RXRA: variants seen among roughly 807,000 people sequenced by gnomAD.
RXRA encodes the protein retinoic acid receptor RXR-alpha.
Under a neutral mutation model 44.5 loss-of-function variants are expected in RXRA, and 5 were observed. The ratio of observed to expected loss-of-function variants is 0.11; its 90% CI spans 0.06 to 0.24. RXRA has a LOEUF of 0.24. Among genes scored for constraint, RXRA ranks in the 10% least tolerant of loss-of-function variants. The probability of loss-of-function intolerance (pLI) is 1.00; values close to 1 mark genes in which losing one functional copy is unlikely to be tolerated. For missense variants in RXRA, 412 were observed against 646.5 expected (o/e 0.64, Z 3.93); for synonymous variants, 291 against 271.4 (o/e 1.07, Z -0.71).
chr9:134,363,133 C>T (rs1003334740), intron 1 of RXRA, among the ~76,000 whole-genome samples: 1 of 152,236 alleles, frequency 6.6e-6, no homozygotes, highest in African/African-American at 2.4e-5. Context: ...GTGCCATGTT[C>T]TCCCTGTGCC....
chr9:134,367,770 T>C lies in RXRA; in HGVS notation c.29-33862T>C, dbSNP rs552504700. 3.9e-5 allele frequency among the ~76,000 whole-genome samples: 6 copies of C among 152,314 alleles called. No individual in the cohort carries two copies. The South Asian group carries it at 8.3e-4, about 21-fold the overall frequency. ...CTCGGGTGGGGGGTGCCGGGGTGTC[T>C]TGTGGCCCCTTCTGGGTCCTTGGGG... On this transcript the variant is annotated intron_variant, in intron 1 of 9. Transcript: ENST00000481739.
At chr9:134,427,382 A>G (rs1279394746) in intron 6 of RXRA, among the ~76,000 whole-genome samples, 1 of 152,112 alleles carries the variant, frequency 6.6e-6, no homozygotes, top group Non-Finnish European at 1.5e-5. Context: ...GAGGGGATGC[A>G]TGACAGGCGG....
chr9:134,377,474 C>T (rs1207974891), intron 1 of RXRA, among the ~76,000 whole-genome samples: 1 of 152,180 alleles, frequency 6.6e-6, no homozygotes, highest in Non-Finnish European at 1.5e-5. Context: ...CGTGTGCTGG[C>T]ATCACCGCTC....
At chr9:134,371,058 G>A (rs1327177066) in intron 1 of RXRA, among the ~76,000 whole-genome samples, 1 of 152,162 alleles carries the variant, frequency 6.6e-6, no homozygotes, top group Non-Finnish European at 1.5e-5. Flanking sequence ...CCCTGGGCTG[G>A]CAGGTGGGTC....
At chr9:134,381,790 G>T (rs756771998) in intron 1 of RXRA, among the ~76,000 whole-genome samples, 1 of 152,130 alleles carries the variant, frequency 6.6e-6, no homozygotes, top group Non-Finnish European at 1.5e-5. Flanking sequence ...AATTAGCCCC[G>T]ACCTCCCCGG....
chr9:134,345,250 A>T (rs1431832217), intron 1 of RXRA, among the ~76,000 whole-genome samples: 2 of 152,202 alleles, frequency 1.3e-5, no homozygotes, highest in Non-Finnish European at 2.9e-5. Context: ...GTATTTGCAC[A>T]GCCCACGGCT....
At chr9:134,391,535 A>G (rs974746841) in intron 1 of RXRA, among the ~76,000 whole-genome samples, 6 of 152,180 alleles carry the variant, frequency 3.9e-5, no homozygotes, top group Non-Finnish European at 5.9e-5. Context: ...TTTCTCCAGG[A>G]ATTCCCCTGC....
At chr9:134,419,614 G>A (rs1410169809) in intron 5 of RXRA, among the ~76,000 whole-genome samples, 3 of 152,238 alleles carry the variant, frequency 2.0e-5, no homozygotes, top group African/African-American at 4.8e-5. Context: ...TCTCCCCAGC[G>A]CGGGGCAGGG....
chr9:134,363,662 G>C (rs531723988), intron 1 of RXRA, among the ~76,000 whole-genome samples: 1 of 152,350 alleles, frequency 6.6e-6, no homozygotes, highest in Non-Finnish European at 1.5e-5. Flanking sequence ...GCGGCACCGG[G>C]TGTGGCTGGC....
At chr9:134,357,524 G>A (rs547548773) in intron 1 of RXRA, among the ~76,000 whole-genome samples, 4 of 152,020 alleles carry the variant, frequency 2.6e-5, no homozygotes, top group African/African-American at 9.7e-5. Flanking sequence ...TCCACGCCAC[G>A]AGCACAGTGG....
intron 1 of RXRA, among the ~76,000 whole-genome samples, chr9:134,347,566 G>T (rs1554748978): frequency 1.3e-5 from 2 of 152,208 alleles, no homozygotes. Context: ...GCTGGGGGAG[G>T]ACGGCCAGGG....
chr9:134,372,179 C>T (rs1454643166), intron 1 of RXRA: 1 of 152,214 alleles, frequency 6.6e-6, no homozygotes, highest in African/African-American at 2.4e-5. Context: ...GCCCGGCCAT[C>T]CAGTCTCAGT....
At chr9:134,434,012 TGG>T in intron 8 of RXRA, 88 bp from the exon 9 acceptor site, 1 of 922,536 alleles carries the variant, frequency 1.1e-6, no homozygotes, top group Non-Finnish European at 1.7e-6. Context: ...TGGGGCAGCC[TGG>T]GAGACCCCAC....
chr9:134,335,497 C>A (rs1171004123), intron 1 of RXRA, among the ~76,000 whole-genome samples: 1 of 152,208 alleles, frequency 6.6e-6, no homozygotes, highest in Non-Finnish European at 1.5e-5. Flanking sequence ...TAAGTAGGGG[C>A]TTCCCTGGAG....
chr9:134,410,706 T>TGG (rs34107054), intron 4 of RXRA, among the ~76,000 whole-genome samples: 13 of 151,648 alleles, frequency 8.6e-5, no homozygotes, highest in African/African-American at 3.1e-4. Flanking sequence ...TGGCTGGAGC[T>TGG]GGGGGGGGAA....
intron 4 of RXRA, among the ~76,000 whole-genome samples, 168 bp downstream of exon 4, chr9:134,409,287 C>T (rs1429144462): frequency 1.3e-5 from 2 of 152,114 alleles, no homozygotes; most frequent in Non-Finnish European, 2.9e-5. Flanking sequence ...GGCACACGTG[C>T]GGCCCAGAGC....
chr9:134,338,620 G>A (rs2119022048), intron 1 of RXRA, among the ~76,000 whole-genome samples: 1 of 152,366 alleles, frequency 6.6e-6, no homozygotes, highest in African/African-American at 2.4e-5. Flanking sequence ...CTTGCCGGCT[G>A]CTGGTGGGGG....
At position 134,326,830 on chromosome 9, in the gene RXRA, C is replaced by T. The variant is rs1490121209; in HGVS notation, c.28+171C>T. ...GGGCGCCGGGCCCGGGGAGGGTCGA[C>T]CCGGGGCAACTTTTCGCGGGGCCGG... On this transcript the variant is annotated intron_variant, in intron 1 of 9. Transcript: ENST00000481739. Among the ~76,000 whole-genome samples the T allele has an allele frequency of 4.1e-4, 59 of 143,386 alleles. 1 individual carries two copies. In the East Asian group the frequency reaches 7.1e-3, roughly 17 times the overall value. 94.1% of individuals were successfully genotyped at this position (143,386 alleles called of 152,430 possible). A position where few individuals can be genotyped will look rare whatever the true frequency, so the allele number is the denominator to read the frequency against.
intron 5 of RXRA, among the ~76,000 whole-genome samples, chr9:134,418,996 C>T (rs1041635395): frequency 2.6e-5 from 4 of 152,236 alleles, no homozygotes; most frequent in African/African-American, 9.6e-5. Context: ...CCTGGTGCCC[C>T]CACGTCCCCG....
Sources: allele counts gnomAD v4.1 joint callset (sites outside exome capture counted in the v4.1 genomes callset), GRCh38; gene constraint gnomAD v4.1.1; transcripts MANE v1.5; gene names NCBI Gene and HGNC (gene_info 2026-07-23, HGNC 2026-07-21).